RASGEF1A: variants seen among roughly 807,000 people sequenced by gnomAD.
The protein encoded by RASGEF1A is RasGEF domain family member 1A, also known as ras-GEF domain-containing family member 1A.
In RASGEF1A, 18 loss-of-function variants were observed where a neutral mutation model predicts 56.4. The ratio of observed to expected loss-of-function variants is 0.32; its 90% CI spans 0.22 to 0.47. The LOEUF is 0.47. RASGEF1A is among the 20% of genes least tolerant of loss of function. The pLI is 1.00. For synonymous variants in RASGEF1A, 245 were observed against 242.6 expected, an observed-to-expected ratio of 1.01 and a Z score of -0.09; for missense variants, 422 against 627.1, an observed-to-expected ratio of 0.67 and a Z score of 3.49.
Position 43,205,919 on chromosome 10 carries a change from A to G in RASGEF1A, c.198T>C (p.Asp66=), listed in dbSNP as rs1839988081. The G allele has an allele frequency of 6.2e-7, 1 of 1,610,644 alleles. No homozygotes were observed. Among genetic ancestry groups the G allele is most frequent in the South Asian group, 1.1e-5 (1 of 91,030 alleles). Residue 66 remains aspartate, a splice_region_variant and synonymous_variant, in exon 2 of 13, where the codon GAT becomes GAC. Transcript: ENST00000395810. ...HLVPTVDYYP[D]RTYIFTFLLS... ...ACTCCACAAGGCCCCACGTACTCAC[A>G]TCGGGGTAATAGTCCACCGTGGGAA...
At chr10:43,260,768 G>A (rs1285223085) in intron 1 of RASGEF1A, among the ~76,000 whole-genome samples, 4 of 152,190 alleles carry the variant, frequency 2.6e-5, no homozygotes, top group African/African-American at 9.7e-5. Flanking sequence ...TGTAGCCCTC[G>A]ACGGCCGTGA....
intron 6 of RASGEF1A, 23 bp from the exon 7 acceptor site, chr10:43,199,791 T>C (rs1227789400): frequency 7.5e-6 from 12 of 1,596,296 alleles, no homozygotes; most frequent in Admixed American, 3.3e-5. Context: ...CAGCAGGTCA[T>C]AGGGGGCCTG....
chr10:43,233,736 C>A (rs1489152192), intron 1 of RASGEF1A, among the ~76,000 whole-genome samples: 1 of 152,192 alleles, frequency 6.6e-6, no homozygotes, highest in Non-Finnish European at 1.5e-5. Flanking sequence ...CCGACCACAC[C>A]AGGCCCAGAA....
Position 43,201,950 on chromosome 10 carries a change from G to C in RASGEF1A, c.322-5C>G, listed in dbSNP as rs374053578. The C allele has an allele frequency of 1.9e-6, 3 of 1,603,364 alleles. No individual in the cohort carries two copies. The East Asian group carries it at 6.7e-5, about 36-fold the overall frequency. ...TGAGAAAGACTTCAGCTTGGCCTGG[G>C]GCAGCAGGGGATACAGAGTAAGGCC... On this transcript the variant is annotated splice_polypyrimidine_tract_variant and splice_region_variant and intron_variant, in intron 3 of 12. Transcript: ENST00000395810.
intron 1 of RASGEF1A, among the ~76,000 whole-genome samples, chr10:43,214,338 A>AG (rs949243871): frequency 5.3e-5 from 8 of 152,208 alleles, no homozygotes; most frequent in Non-Finnish European, 1.2e-4. Flanking sequence ...GAGGATGCCC[A>AG]GTGATGAGGA....
intron 1 of RASGEF1A, among the ~76,000 whole-genome samples, chr10:43,256,618 G>A (rs1010572819): frequency 4.6e-5 from 7 of 152,116 alleles, no homozygotes; most frequent in African/African-American, 7.2e-5. Flanking sequence ...CACTCAGTGC[G>A]ACTCTGGACC....
At chr10:43,238,167 C>T (rs1840457165) in intron 1 of RASGEF1A, among the ~76,000 whole-genome samples, 1 of 36,274 alleles carries the variant, frequency 2.8e-5, no homozygotes, top group Non-Finnish European at 5.6e-5. Flanking sequence ...TAACACCTGC[C>T]CCTCAGGAGG....
intron 1 of RASGEF1A, among the ~76,000 whole-genome samples, chr10:43,211,453 C>T (rs1002941588): frequency 6.6e-6 from 1 of 152,186 alleles, no homozygotes; most frequent in Non-Finnish European, 1.5e-5. Flanking sequence ...AGGCCCCTTG[C>T]CACCTGCCTG....
intron 1 of RASGEF1A, chr10:43,206,943 T>C (rs1482655215): frequency 4.1e-6 from 4 of 985,488 alleles, no homozygotes; most frequent in Non-Finnish European, 4.8e-6. Context: ...ACACTGGGAC[T>C]GTCCTCCACA....
chr10:43,266,486 C>G lies in RASGEF1A; in HGVS notation c.-7+359G>C, dbSNP rs369703598. 6.1e-3 allele frequency among the ~76,000 whole-genome samples: 921 copies of G among 151,762 alleles called. 10 individuals are homozygous for G. The highest frequency in any genetic ancestry group is 0.021 in the African/African-American group (861 of 41,490). On this transcript the variant is annotated intron_variant, in intron 1 of 12. Transcript: ENST00000395810. ...CAGCCCCCACCCCCACGCCAGGCCC[C>G]GGGCAGCGAACCTGCCCGCAGTGCC...
At position 43,216,876 on chromosome 10, in the gene RASGEF1A, C is replaced by T. The variant is rs777474984; in HGVS notation, c.-6-10754G>A. Among the ~76,000 whole-genome samples the T allele has an allele frequency of 1.3e-5, 2 of 152,102 alleles. 1 individual carries two copies. The highest frequency in any genetic ancestry group is 4.1e-4 in the South Asian group (2 of 4,834). ...AGCATGCAGCAAGGACAGACTTCACCCCATCTCCCTCCTGAGCTCCATCAG... is the reference window on the plus strand; with the variant it reads ...AGCATGCAGCAAGGACAGACTTCACTCCATCTCCCTCCTGAGCTCCATCAG... On this transcript the variant is annotated intron_variant, in intron 1 of 12. Coordinates refer to ENST00000395810, the MANE Select transcript of RASGEF1A (RefSeq NM_145313.4).
intron 7 of RASGEF1A, among the ~76,000 whole-genome samples, 158 bp from the exon 8 acceptor site, chr10:43,199,352 CAT>C (rs1265473641): frequency 3.3e-5 from 5 of 152,180 alleles, no homozygotes; most frequent in Non-Finnish European, 5.9e-5. Flanking sequence ...GAGGTCCAGA[CAT>C]GTGCACGGCC....
At position 43,252,597 on chromosome 10, in the gene RASGEF1A, G is replaced by A. The variant is rs1173014282; in HGVS notation, c.-7+14248C>T. ...CTTCTGCTTAGCCATGGACTCCCAG[G>A]AAGGGAGGGGACGTGACTGTGAGGC... is the stretch of plus-strand genomic sequence containing the variant. On this transcript the variant is annotated intron_variant, in intron 1 of 12. Transcript: ENST00000395810. 2.0e-5 allele frequency among the ~76,000 whole-genome samples: 3 copies of A among 152,132 alleles called. No homozygotes were observed. The East Asian group carries it at 5.8e-4, about 29-fold the overall frequency.
intron 1 of RASGEF1A, among the ~76,000 whole-genome samples, chr10:43,247,401 G>A (rs111917857): frequency 4.6e-5 from 7 of 152,224 alleles, no homozygotes; most frequent in East Asian, 3.9e-4. Context: ...CAACAATTCC[G>A]CTCCTTGTAT....
chr10:43,262,177 G>A (rs1378613428), intron 1 of RASGEF1A, among the ~76,000 whole-genome samples: 1 of 152,090 alleles, frequency 6.6e-6, no homozygotes, highest in African/African-American at 2.4e-5. Context: ...GTGGGGGTGG[G>A]GAAACAAGCC....
At chr10:43,203,612 C>T (rs1184114076) in intron 2 of RASGEF1A, 192 bp from the exon 3 acceptor site, 1 of 1,217,524 alleles carries the variant, frequency 8.2e-7, no homozygotes, top group Non-Finnish European at 1.1e-6. Context: ...CCCTGCCTAC[C>T]TAGGAGGCAC....
At chr10:43,205,690 G>A (rs971378626) in intron 2 of RASGEF1A, among the ~76,000 whole-genome samples, 1 of 152,148 alleles carries the variant, frequency 6.6e-6, no homozygotes, top group Non-Finnish European at 1.5e-5. Flanking sequence ...ACCTGGGGCA[G>A]CAGCAGGGAA....
At chr10:43,260,260 C>T (rs1385749998) in intron 1 of RASGEF1A, among the ~76,000 whole-genome samples, 2 of 151,982 alleles carry the variant, frequency 1.3e-5, no homozygotes, top group Non-Finnish European at 2.9e-5. Context: ...GCCTGGGCAC[C>T]GGCAGGGTGG....
chr10:43,217,616 T>G (rs1479656036), intron 1 of RASGEF1A, among the ~76,000 whole-genome samples: 2 of 152,248 alleles, frequency 1.3e-5, no homozygotes, highest in Non-Finnish European at 2.9e-5. Flanking sequence ...AAGTGACACC[T>G]GCCTGGGAGA....
Sources: gnomAD v4.1 joint callset for allele counts (sites outside exome capture counted in the v4.1 genomes callset) on GRCh38, gnomAD v4.1.1 for gene constraint, MANE v1.5 for transcripts, NCBI Gene and HGNC (gene_info 2026-07-23, HGNC 2026-07-21) for gene names.